The following ZBTB46 variants were observed in gnomAD, a reference collection of about 807,000 sequenced individuals.
ZBTB46 encodes the protein zinc finger and BTB domain-containing protein 46.
Under a neutral mutation model 44.1 loss-of-function variants are expected in ZBTB46, and 8 were observed. That is an observed-to-expected ratio of 0.18 (90% CI 0.11 to 0.33). The LOEUF is 0.33. Among genes scored for constraint, ZBTB46 ranks in the 10% least tolerant of loss-of-function variants. The pLI is 1.00. For synonymous variants in ZBTB46, 409 were observed against 382.3 expected, an observed-to-expected ratio of 1.07 and a Z score of -0.81; for missense variants, 651 against 847.7, an observed-to-expected ratio of 0.77 and a Z score of 2.88.
intron 1 of ZBTB46, among the ~76,000 whole-genome samples, chr20:63,829,377 G>A (rs558613852): frequency 6.6e-6 from 1 of 152,336 alleles, no homozygotes; most frequent in Admixed American, 6.5e-5. Flanking sequence ...TCAGTGAGAG[G>A]CTTAATTAAA....
At chr20:63,780,151 A>G (rs1263682448) in intron 2 of ZBTB46, among the ~76,000 whole-genome samples, 1 of 151,798 alleles carries the variant, frequency 6.6e-6, no homozygotes, top group Non-Finnish European at 1.5e-5. Flanking sequence ...CGTGCTTGTA[A>G]TCTCAGCTAC....
chr20:63,760,944 C>T (rs2092268964), intron 3 of ZBTB46, among the ~76,000 whole-genome samples: 1 of 150,244 alleles, frequency 6.7e-6, no homozygotes, highest in African/African-American at 2.4e-5. Context: ...TGTGCACCAC[C>T]ATGCCAGCTA....
At chr20:63,814,254 GA>G (rs892718043) in intron 1 of ZBTB46, among the ~76,000 whole-genome samples, 1 of 149,144 alleles carries the variant, frequency 6.7e-6, no homozygotes, top group African/African-American at 2.5e-5. Context: ...AAAAAGAAAA[GA>G]AAAAAAGAAA....
At chr20:63,817,709 C>T (rs1054996871) in intron 1 of ZBTB46, among the ~76,000 whole-genome samples, 125 of 143,268 alleles carry the variant, frequency 8.7e-4, no homozygotes, top group African/African-American at 3.2e-3. Flanking sequence ...GAGTGAGACT[C>T]TGTCTCAAAA....
At chr20:63,816,857 C>T (rs1473818127) in intron 1 of ZBTB46, among the ~76,000 whole-genome samples, 2 of 152,156 alleles carry the variant, frequency 1.3e-5, no homozygotes. Flanking sequence ...GTAATCCCAG[C>T]ACTTTGGAAG....
rs1003703432 is a variant in ZBTB46 at position 63,752,986 on chromosome 20, G to C, written c.1223-125C>G. 1.3e-5 allele frequency: 14 copies of C among 1,080,264 alleles called. No individual in the cohort carries two copies. Among genetic ancestry groups the C allele is most frequent in the Non-Finnish European group, 1.8e-5 (14 of 772,854 alleles). 66.9% of individuals were successfully genotyped at this position (1,080,264 alleles called of 1,614,324 possible). ...GGCTGTCTCCCACGGCCACCCACTG[G>C]GGGCTGGTCAGCACTGCGACAGGCC... On this transcript the variant is annotated intron_variant, in intron 3 of 4. Coordinates refer to ENST00000245663, the MANE Select transcript of ZBTB46 (RefSeq NM_001369741.1). The surrounding 1 kb of genome is among the most constrained non-coding windows in gnomAD (Gnocchi z 5.6).
intron 3 of ZBTB46, among the ~76,000 whole-genome samples, chr20:63,761,833 G>C (rs973434074): frequency 2.0e-5 from 3 of 151,420 alleles, no homozygotes; most frequent in African/African-American, 4.9e-5. Context: ...TCTTTGACTT[G>C]AGGGTTGTGT....
At chr20:63,804,240 G>C (rs2092667371) in intron 1 of ZBTB46, among the ~76,000 whole-genome samples, 1 of 152,274 alleles carries the variant, frequency 6.6e-6, no homozygotes, top group Admixed American at 6.5e-5. Context: ...GCAGTGCCTG[G>C]CTCGGGCCAT....
At chr20:63,784,121 G>A (rs1204310089) in intron 2 of ZBTB46, among the ~76,000 whole-genome samples, 1 of 152,196 alleles carries the variant, frequency 6.6e-6, no homozygotes, top group African/African-American at 2.4e-5. Flanking sequence ...AACACCAGAA[G>A]GGGACACAGC....
rs530313238 is a variant in ZBTB46 at position 63,823,937 on chromosome 20, T to C, written c.-34+7160A>G. Among the ~76,000 whole-genome samples the C allele has an allele frequency of 2.2e-3, 339 of 150,728 alleles. 2 individuals carry two copies. Among genetic ancestry groups the C allele is most frequent in the Non-Finnish European group, 3.3e-3 (222 of 67,886 alleles). Reference sequence around the variant, plus strand: ...TGTTTGTAAAAGGAAATGTAAACCGTTGAATGGGCTCCCCACAGGACTAAC... The same window carrying C: ...TGTTTGTAAAAGGAAATGTAAACCGCTGAATGGGCTCCCCACAGGACTAAC... On this transcript the variant is annotated intron_variant, in intron 1 of 4. Coordinates refer to ENST00000245663, the MANE Select transcript of ZBTB46 (RefSeq NM_001369741.1).
At position 63,826,762 on chromosome 20, in the gene ZBTB46, G is replaced by C. The variant is rs565563715; in HGVS notation, c.-34+4335C>G. Reference sequence around the variant, plus strand: ...GCTTCACGGATGACTTTTCCAAAAAGACAGCGAGTGTCCTTGGGAAGGCAT... The same window carrying C: ...GCTTCACGGATGACTTTTCCAAAAACACAGCGAGTGTCCTTGGGAAGGCAT... On this transcript the variant is annotated intron_variant, in intron 1 of 4. Transcript: ENST00000245663. 2.6e-5 allele frequency among the ~76,000 whole-genome samples: 4 copies of C among 152,280 alleles called. No individual in the cohort carries two copies. The East Asian group carries it at 7.7e-4, about 29-fold the overall frequency.
intron 1 of ZBTB46, among the ~76,000 whole-genome samples, chr20:63,820,580 G>A (rs908843146): frequency 6.7e-5 from 10 of 148,526 alleles, no homozygotes; most frequent in African/African-American, 2.0e-4. Context: ...GATTACAGGC[G>A]CGCCACCATG....
intron 1 of ZBTB46, among the ~76,000 whole-genome samples, chr20:63,811,872 A>G (rs1307905683): frequency 6.6e-6 from 1 of 152,068 alleles, no homozygotes; most frequent in Non-Finnish European, 1.5e-5. Flanking sequence ...TATTTCACCA[A>G]CTCCCACTTT....
chr20:63,774,683 C>A (rs1417358553), intron 3 of ZBTB46, among the ~76,000 whole-genome samples: 2 of 125,012 alleles, frequency 1.6e-5, no homozygotes, highest in East Asian at 4.7e-4. Flanking sequence ...GGGCTGGCTG[C>A]GGTGGGTTTT....
At chr20:63,792,389 G>C (rs1004621724) in intron 1 of ZBTB46, among the ~76,000 whole-genome samples, 2 of 151,114 alleles carry the variant, frequency 1.3e-5, no homozygotes, top group African/African-American at 4.9e-5. Flanking sequence ...ATGTCCTTCC[G>C]GCAAGGAGCC....
intron 1 of ZBTB46, among the ~76,000 whole-genome samples, chr20:63,830,548 C>G (rs962514616): frequency 1.3e-5 from 2 of 150,426 alleles, no homozygotes; most frequent in African/African-American, 2.4e-5. Context: ...GGGACCCGCC[C>G]GCGCCCACCT....
intron 1 of ZBTB46, among the ~76,000 whole-genome samples, chr20:63,799,873 G>C (rs1038983602): frequency 2.0e-5 from 3 of 152,116 alleles, no homozygotes; most frequent in Admixed American, 6.6e-5. Context: ...AGGGCACATG[G>C]AACGGTGCAG....
At chr20:63,808,976 C>CAAAAAAAAAAAAAAA (rs1157399042) in intron 1 of ZBTB46, among the ~76,000 whole-genome samples, 1 of 75,234 alleles carries the variant, frequency 1.3e-5, no homozygotes, top group Non-Finnish European at 2.7e-5. Context: ...GACTCCGCTT[C>CAAAAAAAAAAAAAAA]AAAAAAAAAA....
At chr20:63,800,960 A>G (rs1025481604) in intron 1 of ZBTB46, among the ~76,000 whole-genome samples, 4 of 152,246 alleles carry the variant, frequency 2.6e-5, no homozygotes, top group Non-Finnish European at 4.4e-5. Flanking sequence ...CTGCAGCCCC[A>G]GTGCCGGATC....
Sources: gnomAD v4.1 joint callset for allele counts (sites outside exome capture counted in the v4.1 genomes callset) on GRCh38, gnomAD v4.1.1 for gene constraint, Gnocchi (gnomAD v3.1) non-coding constraint, MANE v1.5 for transcripts, NCBI Gene and HGNC (gene_info 2026-07-23, HGNC 2026-07-21) for gene names.